The following PPARGC1A variants were observed in gnomAD, a reference collection of about 807,000 sequenced individuals.
PPARGC1A encodes the protein peroxisome proliferator-activated receptor gamma coactivator 1-alpha.
A neutral mutation model predicts 88.7 loss-of-function variants in PPARGC1A; 25 were observed. The ratio of observed to expected loss-of-function variants is 0.28; its 90% CI spans 0.21 to 0.39. The LOEUF (loss-of-function observed/expected upper bound fraction) is 0.39, where lower values mean the gene tolerates loss of function less well. PPARGC1A is among the 10% of genes least tolerant of loss of function. The pLI is 1.00. For synonymous variants in PPARGC1A, 363 were observed against 355.6 expected, an observed-to-expected ratio of 1.02 and a Z score of -0.24; for missense variants, 880 against 968.7, an observed-to-expected ratio of 0.91 and a Z score of 1.22.
At chr4:24,045,612 T>G in the PPARGC1A span, among the ~76,000 whole-genome samples, 1 of 152,208 alleles carries the variant, frequency 6.6e-6, no homozygotes, top group African/African-American at 2.4e-5. Flanking sequence ...TGTCTTCACA[T>G]GGACTTCTCC....
chr4:24,065,981 C>T, the PPARGC1A span, among the ~76,000 whole-genome samples: 1 of 152,178 alleles, frequency 6.6e-6, no homozygotes, highest in African/African-American at 2.4e-5. Context: ...TAAGTTCCCA[C>T]CAACCTTGGG....
chr4:24,127,574 T>G, the PPARGC1A span, among the ~76,000 whole-genome samples: 172 of 152,146 alleles, frequency 1.1e-3, no homozygotes, highest in African/African-American at 4.0e-3. Context: ...GATATATATA[T>G]AGACACTGTA....
upstream of PPARGC1A, among the ~76,000 whole-genome samples, chr4:23,900,069 A>C (rs1460567678): frequency 6.6e-6 from 1 of 151,958 alleles, no homozygotes; most frequent in Non-Finnish European, 1.5e-5. Context: ...CCCTTAAACC[A>C]CTTAGACAAA....
the PPARGC1A span, among the ~76,000 whole-genome samples, chr4:24,051,178 ACT>A: frequency 1.0e-5 from 1 of 96,076 alleles, no homozygotes; most frequent in Admixed American, 1.9e-4. Flanking sequence ...ACAGAGCATG[ACT>A]CTGTCTCAAA....
intron 2 of PPARGC1A, among the ~76,000 whole-genome samples, chr4:23,836,018 T>C (rs750404835): frequency 6.6e-6 from 1 of 152,162 alleles, no homozygotes; most frequent in Non-Finnish European, 1.5e-5. Context: ...GGTGACAGGG[T>C]ATAGAAACAC....
chr4:24,381,464 A>G, the PPARGC1A span, among the ~76,000 whole-genome samples: 1 of 152,218 alleles, frequency 6.6e-6, no homozygotes, highest in Non-Finnish European at 1.5e-5. Flanking sequence ...ATTACCCAAG[A>G]AATGAAGTCA....
the PPARGC1A span, among the ~76,000 whole-genome samples, chr4:24,444,352 C>G: frequency 6.6e-6 from 1 of 151,906 alleles, no homozygotes; most frequent in Non-Finnish European, 1.5e-5. Flanking sequence ...GCTTTTTAAA[C>G]AAGGAATTGC....
At chr4:24,142,878 T>G in the PPARGC1A span, among the ~76,000 whole-genome samples, 7 of 148,206 alleles carry the variant, frequency 4.7e-5, no homozygotes, top group Non-Finnish European at 6.0e-5. Flanking sequence ...GCAAAAGAGA[T>G]TAAAACCTCT....
the PPARGC1A span, among the ~76,000 whole-genome samples, chr4:24,111,836 G>A: frequency 2.0e-5 from 3 of 152,086 alleles, no homozygotes; most frequent in African/African-American, 4.8e-5. Flanking sequence ...ACATGCGCAC[G>A]TGCACACATA....
chr4:23,922,592 T>C, the PPARGC1A span, among the ~76,000 whole-genome samples: 4 of 152,326 alleles, frequency 2.6e-5, no homozygotes, highest in East Asian at 7.7e-4. Flanking sequence ...GGGGTAAGGC[T>C]TTAACTTTCT....
chr4:24,065,071 T>C, the PPARGC1A span, among the ~76,000 whole-genome samples: 2 of 152,176 alleles, frequency 1.3e-5, no homozygotes, highest in South Asian at 2.1e-4. Context: ...TTCGTTTCCA[T>C]GGAGAAGACA....
chr4:23,900,146 C>G (rs571828406), upstream of PPARGC1A, among the ~76,000 whole-genome samples: 17 of 152,260 alleles, frequency 1.1e-4, no homozygotes, highest in Non-Finnish European at 2.4e-4. Context: ...CACAAAGCCA[C>G]TTTAAGTTTC....
the PPARGC1A span, among the ~76,000 whole-genome samples, chr4:24,067,451 C>A: frequency 6.6e-6 from 1 of 152,166 alleles, no homozygotes; most frequent in Non-Finnish European, 1.5e-5. Flanking sequence ...CAGTAGGAAG[C>A]CATCAGCATT....
At chr4:24,467,525 G>T in the PPARGC1A span, among the ~76,000 whole-genome samples, 6 of 152,056 alleles carry the variant, frequency 3.9e-5, no homozygotes, top group South Asian at 1.2e-3. Context: ...ACCACTTTAA[G>T]AATTATGAAA....
the PPARGC1A span, among the ~76,000 whole-genome samples, chr4:24,368,485 T>C: frequency 6.6e-6 from 1 of 152,156 alleles, no homozygotes; most frequent in Admixed American, 6.6e-5. Flanking sequence ...TTTCTATAGA[T>C]CCTTGTCTGA....
the PPARGC1A span, among the ~76,000 whole-genome samples, chr4:24,397,348 A>G: frequency 6.6e-6 from 1 of 152,190 alleles, no homozygotes; most frequent in East Asian, 1.9e-4. Flanking sequence ...AAACATGAGG[A>G]GGAGGATTTA....
the PPARGC1A span, among the ~76,000 whole-genome samples, chr4:24,376,832 C>G: frequency 2.6e-5 from 4 of 152,120 alleles, no homozygotes; most frequent in Non-Finnish European, 5.9e-5. Flanking sequence ...AGGGGTCCTT[C>G]TCATGGTGAG....
At chr4:24,420,536 T>A in the PPARGC1A span, among the ~76,000 whole-genome samples, 1 of 152,124 alleles carries the variant, frequency 6.6e-6, no homozygotes, top group Non-Finnish European at 1.5e-5. Flanking sequence ...GCAGAATGGA[T>A]CATGTCCACA....
chr4:24,084,143 G>A, the PPARGC1A span, among the ~76,000 whole-genome samples: 1 of 152,122 alleles, frequency 6.6e-6, no homozygotes, highest in East Asian at 1.9e-4. Flanking sequence ...TACCCTCAAG[G>A]CTTGGCTCAG....
Sources: gnomAD v4.1 joint callset for allele counts (sites outside exome capture counted in the v4.1 genomes callset) on GRCh38, gnomAD v4.1.1 for gene constraint, MANE v1.5 for transcripts, NCBI Gene and HGNC (gene_info 2026-07-23, HGNC 2026-07-21) for gene names.